Variants in XYLB observed in about 807,000 individuals in gnomAD.
XYLB encodes xylulokinase, also known as xylulose kinase.
XYLB carries 62 observed loss-of-function variants against 78.7 expected under a neutral mutation model. The ratio of observed to expected loss-of-function variants is 0.79; its 90% confidence interval spans 0.64 to 0.97. XYLB has a LOEUF of 0.97. XYLB is among the 50% of genes least tolerant of loss of function. The pLI is 0.00. For synonymous variants in XYLB, 245 were observed against 247.4 expected (o/e 0.99, Z 0.09); for missense variants, 687 against 676.8 (o/e 1.02, Z -0.17).
At chr3:38,383,478 A>T (rs1222578933) in intron 15 of XYLB, among the ~76,000 whole-genome samples, 1 of 152,230 alleles carries the variant, frequency 6.6e-6, no homozygotes, top group Non-Finnish European at 1.5e-5. Flanking sequence ...ATCTTGTAAT[A>T]ACAAGTTTGA....
chr3:38,364,296 T>C (rs1301374657), intron 4 of XYLB, among the ~76,000 whole-genome samples: 1 of 151,732 alleles, frequency 6.6e-6, no homozygotes, highest in Non-Finnish European at 1.5e-5. Context: ...TACCATCTCT[T>C]CTCCAGCGCT....
chr3:38,396,860 C>T (rs1240003986), intron 16 of XYLB, among the ~76,000 whole-genome samples: 1 of 152,158 alleles, frequency 6.6e-6, no homozygotes, highest in Non-Finnish European at 1.5e-5. Flanking sequence ...GCCTGGGGAG[C>T]TGTGGCTCTC....
exon 18 of XYLB, among the ~76,000 whole-genome samples, chr3:38,420,344 C>T (rs1405811518): frequency 2.0e-5 from 3 of 152,180 alleles, no homozygotes; most frequent in Non-Finnish European, 4.4e-5. Context: ...TGAATAGAAG[C>T]AGGGAGAGCA....
chr3:38,411,647 T>TA (rs201414004), intron 18 of XYLB, among the ~76,000 whole-genome samples: 11,767 of 141,914 alleles, frequency 0.083, 629 homozygotes, highest in East Asian at 0.24. Flanking sequence ...ATAAAGGATT[T>TA]AAAAAAAAAA....
rs187642675 is a variant in XYLB at position 38,412,357 on chromosome 3, C to T, written c.1534-579C>T. 3.9e-3 allele frequency among the ~76,000 whole-genome samples: 588 copies of T among 152,250 alleles called. 7 individuals carry two copies. The highest frequency in any genetic ancestry group is 0.026 in the Admixed American group (399 of 15,284). On this transcript the variant is annotated intron_variant, in intron 18 of 18. Transcript: ENST00000207870. ...GGCAAAGAGACCCTCTCCTGGACAG[C>T]TGTGTGAACTGCTGTATGGACTGCT...
chr3:38,371,378 A>G (rs1276971647), intron 9 of XYLB, among the ~76,000 whole-genome samples: 1 of 151,374 alleles, frequency 6.6e-6, no homozygotes, highest in Non-Finnish European at 1.5e-5. Flanking sequence ...GGTTCACGCC[A>G]TTCTCCTGCC....
chr3:38,376,583 A>G (rs1706867508), intron 13 of XYLB, among the ~76,000 whole-genome samples: 1 of 152,182 alleles, frequency 6.6e-6, no homozygotes, highest in Non-Finnish European at 1.5e-5. Context: ...AAAAGTCCCC[A>G]GTGTCTGGGC....
chr3:38,402,227 A>G (rs1481718186), intron 18 of XYLB, among the ~76,000 whole-genome samples: 9 of 152,216 alleles, frequency 5.9e-5, no homozygotes, highest in Non-Finnish European at 1.3e-4. Flanking sequence ...AAACTTTGCC[A>G]CCAAAGGAGA....
chr3:38,377,970 C>T (rs1003608362), intron 14 of XYLB, among the ~76,000 whole-genome samples: 1 of 152,172 alleles, frequency 6.6e-6, no homozygotes, highest in African/African-American at 2.4e-5. Flanking sequence ...ATTGACATTG[C>T]TGCTGGAGAG....
At chr3:38,374,248 A>C (rs1490147985) in intron 10 of XYLB, among the ~76,000 whole-genome samples, 1 of 151,532 alleles carries the variant, frequency 6.6e-6, no homozygotes. Flanking sequence ...AGCTCAAATC[A>C]GCGGCCCTGC....
At chr3:38,411,485 CTA>C (rs1708583823) in intron 18 of XYLB, among the ~76,000 whole-genome samples, 1 of 151,766 alleles carries the variant, frequency 6.6e-6, no homozygotes, top group Admixed American at 6.6e-5. Context: ...ACATATGTAA[CTA>C]ACCTGCACAT....
chr3:38,380,992 C>G (rs2125615697), intron 15 of XYLB, among the ~76,000 whole-genome samples: 1 of 152,224 alleles, frequency 6.6e-6, no homozygotes, highest in South Asian at 2.1e-4. Flanking sequence ...CACTACAGGC[C>G]AGGCACAGTG....
downstream of XYLB, among the ~76,000 whole-genome samples, chr3:38,424,842 C>T (rs138353883): frequency 1.2e-4 from 19 of 152,314 alleles, no homozygotes; most frequent in East Asian, 2.3e-3. Context: ...TTACATAACT[C>T]GTATTAGAGG....
chr3:38,444,721 G>C, the XYLB span, among the ~76,000 whole-genome samples: 1 of 152,154 alleles, frequency 6.6e-6, no homozygotes, highest in African/African-American at 2.4e-5. Context: ...TGCATTTCAA[G>C]GATGAGCCTG....
At position 38,375,270 on chromosome 3, in the gene XYLB, G is replaced by T. The variant is rs769737408; in HGVS notation, c.1004+11G>T. On this transcript the variant is annotated intron_variant, in intron 12 of 18. Transcript: ENST00000207870. ...CATGGCACTCCTGTGGTGAGCTTGG[G>T]TGTTGGTTGGCACCATTCCCTGGGT... 47 of 1,612,832 alleles carry T rather than the reference G, an allele frequency of 2.9e-5. No homozygotes were observed. The highest frequency in any genetic ancestry group is 1.2e-4 in the Admixed American group (7 of 59,988).
the XYLB span, among the ~76,000 whole-genome samples, chr3:38,432,309 C>A: frequency 6.6e-6 from 1 of 152,210 alleles, no homozygotes; most frequent in African/African-American, 2.4e-5. Context: ...TGGCTCACGC[C>A]GGTAATCCCA....
intron 2 of XYLB, among the ~76,000 whole-genome samples, chr3:38,353,753 G>T (rs779869316): frequency 2.0e-5 from 3 of 151,952 alleles, no homozygotes; most frequent in Non-Finnish European, 4.4e-5. Flanking sequence ...TGAGCATGGT[G>T]GTGGGTGCCT....
intron 15 of XYLB, among the ~76,000 whole-genome samples, chr3:38,384,278 C>CTGG: frequency 6.6e-6 from 1 of 152,182 alleles, no homozygotes; most frequent in East Asian, 1.9e-4. Flanking sequence ...GTTGGCCAAG[C>CTGG]TGGTCTCGAA....
At chr3:38,452,074 G>C in the XYLB span, 1 of 152,176 alleles carries the variant, frequency 6.6e-6, no homozygotes, top group African/African-American at 2.4e-5. Context: ...ACTTAAACTG[G>C]ATATGGAATT....
Sources: gnomAD v4.1 joint callset for allele counts (sites outside exome capture counted in the v4.1 genomes callset) on GRCh38, gnomAD v4.1.1 for gene constraint, MANE v1.5 for transcripts, NCBI Gene and HGNC (gene_info 2026-07-23, HGNC 2026-07-21) for gene names.